Variants in R3HDM1 observed in about 807,000 individuals in gnomAD.
R3HDM1 encodes the protein R3H domain containing 1.
Under a neutral mutation model 141.1 loss-of-function variants are expected in R3HDM1, and 46 were observed. That is an observed-to-expected ratio of 0.33 (90% CI 0.26 to 0.42). The LOEUF (loss-of-function observed/expected upper bound fraction) is 0.42, where lower values mean the gene tolerates loss of function less well. Ranked by LOEUF, R3HDM1 falls within the 10% of genes least tolerant of loss-of-function variation. The pLI, the probability that R3HDM1 is intolerant of heterozygous loss-of-function variation, is 1.00. For synonymous variants in R3HDM1, 435 were observed against 472.9 expected (o/e 0.92, Z 1.04); for missense variants, 1,184 against 1,368.3 (o/e 0.87, Z 2.12).
At chr2:135,628,282 A>G (rs1397494975) in intron 7 of R3HDM1, among the ~76,000 whole-genome samples, 1 of 152,246 alleles carries the variant, frequency 6.6e-6, no homozygotes, top group Non-Finnish European at 1.5e-5. Flanking sequence ...GGCAGAAGGT[A>G]TAAATCTTAA....
At chr2:135,646,971 G>A (rs1490089815) in intron 16 of R3HDM1, among the ~76,000 whole-genome samples, 1 of 151,634 alleles carries the variant, frequency 6.6e-6, no homozygotes, top group Non-Finnish European at 1.5e-5. Flanking sequence ...TGTATTGCAG[G>A]GTTGAAGAAC....
chr2:135,628,020 G>A lies in R3HDM1; in HGVS notation c.498-3698G>A, dbSNP rs866120472. Among the ~76,000 whole-genome samples, 29 of 152,170 alleles carry A rather than the reference G, an allele frequency of 1.9e-4. 1 individual carries two copies. The South Asian group carries it at 5.6e-3, about 29-fold the overall frequency. ...TTTATTACTTCTTTAATAATTAACAGCATGTATCAGTTCATTTTAAAGGTT... is the reference window on the plus strand; with the variant it reads ...TTTATTACTTCTTTAATAATTAACAACATGTATCAGTTCATTTTAAAGGTT... On this transcript the variant is annotated intron_variant, in intron 7 of 26. Coordinates refer to ENST00000683871, the MANE Select transcript of R3HDM1 (RefSeq NM_001378107.1).
rs888672916 is a variant in R3HDM1, at chr2:135,559,086, T to C, written c.-250+27453T>C. The C allele has an allele frequency of 6.4e-6, 6 of 935,340 alleles. No individual in the cohort carries two copies. The African/African-American group carries it at 9.4e-5, about 15-fold the overall frequency. The allele number at this position is 935,340 out of a possible 1,614,324, so 57.9% of individuals were successfully genotyped here. On this transcript the variant is annotated intron_variant, in intron 1 of 26. Coordinates refer to ENST00000683871, the MANE Select transcript of R3HDM1 (RefSeq NM_001378107.1). ...GTGTGTGTGTGTGTGTGTGTGTGTGTGTGTGTGCATGCGTGTGTGTGTGTG... is the reference window on the plus strand; with the variant it reads ...GTGTGTGTGTGTGTGTGTGTGTGTGCGTGTGTGCATGCGTGTGTGTGTGTG...
At chr2:135,718,664 T>G (rs2076396236) in intron 24 of R3HDM1, among the ~76,000 whole-genome samples, 1 of 152,072 alleles carries the variant, frequency 6.6e-6, no homozygotes, top group African/African-American at 2.4e-5. Context: ...GTATTTTCGG[T>G]AGAGACAGGG....
chr2:135,709,165 C>T (rs1172231122), intron 21 of R3HDM1, among the ~76,000 whole-genome samples: 2 of 151,736 alleles, frequency 1.3e-5, no homozygotes, highest in East Asian at 3.9e-4. Flanking sequence ...GCTCTGCCTC[C>T]TGGGTTTACA....
intron 18 of R3HDM1, among the ~76,000 whole-genome samples, chr2:135,654,471 G>GTTGTT (rs1476562680): frequency 7.0e-6 from 1 of 143,356 alleles, no homozygotes; most frequent in Non-Finnish European, 1.5e-5. Flanking sequence ...TTGTTGTTGA[G>GTTGTT]ACAGAGTCTC....
At chr2:135,551,154 G>A (rs1201469092) in intron 1 of R3HDM1, among the ~76,000 whole-genome samples, 3 of 152,194 alleles carry the variant, frequency 2.0e-5, no homozygotes, top group African/African-American at 4.8e-5. Context: ...GCACAGAGTA[G>A]TGATTCCCTG....
At chr2:135,544,689 G>A (rs1465116897) in intron 1 of R3HDM1, among the ~76,000 whole-genome samples, 2 of 152,158 alleles carry the variant, frequency 1.3e-5, no homozygotes, top group Non-Finnish European at 2.9e-5. Context: ...AGGCATGGTG[G>A]CTCACTCACG....
chr2:135,692,108 C>G (rs1216182694), intron 21 of R3HDM1, among the ~76,000 whole-genome samples: 2 of 151,890 alleles, frequency 1.3e-5, no homozygotes, highest in African/African-American at 4.8e-5. Flanking sequence ...AGGCGGGGTT[C>G]ACCATGTTGT....
chr2:135,622,532 T>C, intron 6 of R3HDM1, 122 bp from the exon 7 acceptor site: 1 of 1,347,586 alleles, frequency 7.4e-7, no homozygotes, highest in Non-Finnish European at 9.6e-7. Flanking sequence ...TCCTACTTTG[T>C]CGAATTTTTT....
chr2:135,642,038 A>C (rs1356792630), intron 15 of R3HDM1, among the ~76,000 whole-genome samples: 1 of 152,190 alleles, frequency 6.6e-6, no homozygotes, highest in Non-Finnish European at 1.5e-5. Flanking sequence ...ATAATTTTTA[A>C]AAAAGTTTAT....
At chr2:135,674,972 T>G (rs2068936009) in intron 19 of R3HDM1, among the ~76,000 whole-genome samples, 1 of 151,926 alleles carries the variant, frequency 6.6e-6, no homozygotes, top group South Asian at 2.1e-4. Flanking sequence ...GCCCTACATA[T>G]TTTCCATTTA....
chr2:135,545,124 G>C (rs1382816411), intron 1 of R3HDM1, among the ~76,000 whole-genome samples: 2 of 152,164 alleles, frequency 1.3e-5, no homozygotes, highest in Admixed American at 1.3e-4. Context: ...TTATTCCAAT[G>C]GTAATTTTAA....
intron 1 of R3HDM1, among the ~76,000 whole-genome samples, chr2:135,555,119 G>A (rs1700481753): frequency 6.6e-6 from 1 of 152,020 alleles, no homozygotes; most frequent in African/African-American, 2.4e-5. Context: ...GGCCAACATG[G>A]TGAAACTCTG....
intron 21 of R3HDM1, among the ~76,000 whole-genome samples, chr2:135,705,865 C>T (rs548781616): frequency 6.6e-6 from 1 of 152,292 alleles, no homozygotes; most frequent in South Asian, 2.1e-4. Flanking sequence ...CACAGTGGCT[C>T]ACGCCTGCAA....
chr2:135,632,296 T>C (rs1051036127), intron 9 of R3HDM1, among the ~76,000 whole-genome samples: 3 of 150,298 alleles, frequency 2.0e-5, no homozygotes, highest in African/African-American at 7.4e-5. Flanking sequence ...TTAAAATTAA[T>C]TTAGACAGCT....
In R3HDM1 at chr2:135,715,552, C is replaced by T. The variant is rs761526287; in HGVS notation, c.2739C>T (p.His913=). ...TTCTTGACGTATTGTAATTGCAGCA[C>T]AGCCCTCAACTCAGTAGCCCCATTA... is the stretch of plus-strand genomic sequence containing the variant. ...EFSSVDNIVQ[H]SPQLSSPIIS... is the part of the protein sequence containing the mutation. Residue 913 remains histidine (H), a splice_region_variant and synonymous_variant, in exon 24 of 27, where the codon CAC becomes CAT. Coordinates refer to ENST00000683871, the MANE Select transcript of R3HDM1 (RefSeq NM_001378107.1). The T allele has an allele frequency of 8.7e-6, 14 of 1,611,308 alleles. No homozygotes were observed. In the South Asian group the frequency reaches 1.2e-4, roughly 14 times the overall value.
chr2:135,649,634 G>A (rs1228776220), intron 16 of R3HDM1, among the ~76,000 whole-genome samples: 3 of 152,040 alleles, frequency 2.0e-5, no homozygotes, highest in Admixed American at 6.6e-5. Flanking sequence ...ACCTGTTCCC[G>A]TTAATCTATA....
chr2:135,650,504 T>A (rs190461106), intron 17 of R3HDM1: 21 of 981,868 alleles, frequency 2.1e-5, no homozygotes, highest in Admixed American at 6.1e-5. Flanking sequence ...CTTTCTTCTA[T>A]CCAAAGTATG....
Sources: gnomAD v4.1 joint callset for allele counts (sites outside exome capture counted in the v4.1 genomes callset) on GRCh38, gnomAD v4.1.1 for gene constraint, MANE v1.5 for transcripts, NCBI Gene and HGNC (gene_info 2026-07-23, HGNC 2026-07-21) for gene names.